Variants in STXBP4 observed in about 807,000 individuals in gnomAD.
STXBP4 encodes syntaxin binding protein 4.
A neutral mutation model predicts 76.1 loss-of-function variants in STXBP4; 55 were observed. The ratio of observed to expected loss-of-function variants is 0.72; its 90% CI spans 0.58 to 0.91. STXBP4 has a LOEUF of 0.91. STXBP4 is among the 40% of genes least tolerant of loss of function. STXBP4 has a pLI of 0.00. For missense variants in STXBP4, 618 were observed against 636.9 expected, an observed-to-expected ratio of 0.97 and a Z score of 0.32; for synonymous variants, 201 against 220.2, an observed-to-expected ratio of 0.91 and a Z score of 0.77.
At chr17:55,041,118 T>C (rs1018143442) in intron 10 of STXBP4, among the ~76,000 whole-genome samples, 1 of 152,118 alleles carries the variant, frequency 6.6e-6, no homozygotes, top group Non-Finnish European at 1.5e-5. Flanking sequence ...TTACGCATGC[T>C]TTACCTACAT....
chr17:55,087,530 C>T (rs537554945), intron 16 of STXBP4, among the ~76,000 whole-genome samples: 2 of 152,210 alleles, frequency 1.3e-5, no homozygotes, highest in African/African-American at 4.8e-5. Context: ...GCTTTTGGCA[C>T]CTTTGTCAAA....
At chr17:54,999,300 T>A (rs558711425) in intron 4 of STXBP4, 45 bp from the exon 5 acceptor site, 201 of 1,459,368 alleles carry the variant, frequency 1.4e-4, no homozygotes, top group Middle Eastern at 1.8e-4. Context: ...AATTTTTTTT[T>A]AAATACCTCA....
chr17:55,213,016 G>C, the STXBP4 span, among the ~76,000 whole-genome samples: 17 of 152,296 alleles, frequency 1.1e-4, no homozygotes, highest in Admixed American at 7.8e-4. Context: ...TCAGAAAACT[G>C]GTTGTGTGTG....
chr17:55,122,483 T>G (rs2079856699), intron 16 of STXBP4, among the ~76,000 whole-genome samples: 1 of 151,926 alleles, frequency 6.6e-6, no homozygotes, highest in South Asian at 2.1e-4. Context: ...AGGAATGGAG[T>G]CTATATTGTA....
At chr17:55,213,158 T>G in the STXBP4 span, among the ~76,000 whole-genome samples, 3 of 152,184 alleles carry the variant, frequency 2.0e-5, 1 homozygote, top group Admixed American at 2.0e-4. Context: ...CGACAGCAGA[T>G]CTAAGAAATC....
In STXBP4 at chr17:55,081,136, A is replaced by G; in HGVS notation, c.1442A>G (p.Glu481Gly). The change falls in exon 16 of 18, where the codon GAA becomes GGA. Residue 481 changes from glutamate to glycine, a missense_variant. Physicochemically the swap from Glu to Gly is moderately conservative, Grantham distance 98. Transcript: ENST00000376352. Reference sequence around the variant, plus strand: ...AGCATCCCAGCAACGCTGGCGCTTGAATCTAAGGAACTTGTTAAATCTGTT... The same window carrying G: ...AGCATCCCAGCAACGCTGGCGCTTGGATCTAAGGAACTTGTTAAATCTGTT... Reference protein sequence around the residue: ...GRSIPATLALESKELVKSVRA... With the variant: ...GRSIPATLALGSKELVKSVRA... 6.5e-7 allele frequency: 1 copy of G among 1,549,598 alleles called. No individual in the cohort carries two copies. Among genetic ancestry groups the G allele is most frequent in the Admixed American group, 2.1e-5 (1 of 47,976 alleles).
chr17:54,971,558 A>G (rs961422997), intron 1 of STXBP4, among the ~76,000 whole-genome samples: 1 of 152,222 alleles, frequency 6.6e-6, no homozygotes, highest in South Asian at 2.1e-4. Flanking sequence ...AAATACAGCT[A>G]CATTGAGGGG....
the STXBP4 span, among the ~76,000 whole-genome samples, chr17:55,199,681 C>T: frequency 6.6e-6 from 1 of 152,152 alleles, no homozygotes; most frequent in Non-Finnish European, 1.5e-5. Flanking sequence ...AGGTACTCAG[C>T]AAAATAACTA....
intron 17 of STXBP4, among the ~76,000 whole-genome samples, chr17:55,148,070 T>C (rs181162233): frequency 6.6e-6 from 1 of 152,342 alleles, no homozygotes; most frequent in Admixed American, 6.5e-5. Context: ...TTACAAGATG[T>C]TCAGTATGTG....
At chr17:55,034,768 C>G (rs2078569288) in intron 10 of STXBP4, among the ~76,000 whole-genome samples, 1 of 152,008 alleles carries the variant, frequency 6.6e-6, no homozygotes, top group Non-Finnish European at 1.5e-5. Flanking sequence ...CCTGTACCCC[C>G]ACAAAAAATT....
chr17:55,037,651 A>G (rs1364191535), intron 10 of STXBP4, among the ~76,000 whole-genome samples: 1 of 152,136 alleles, frequency 6.6e-6, no homozygotes, highest in African/African-American at 2.4e-5. Flanking sequence ...ATAGAATTAT[A>G]TTAATTTTTT....
intron 3 of STXBP4, among the ~76,000 whole-genome samples, chr17:54,987,370 G>A (rs1182656772): frequency 6.6e-6 from 1 of 152,084 alleles, no homozygotes; most frequent in Non-Finnish European, 1.5e-5. Flanking sequence ...ATGTACACAT[G>A]ATAATTATAT....
intron 1 of STXBP4, among the ~76,000 whole-genome samples, chr17:54,984,152 G>A (rs2077590250): frequency 6.6e-6 from 1 of 152,066 alleles, no homozygotes; most frequent in Admixed American, 6.5e-5. Flanking sequence ...CTCAAAAGTA[G>A]TTGGCTCTGT....
chr17:54,978,014 C>T (rs1252745340), intron 1 of STXBP4, among the ~76,000 whole-genome samples: 2 of 152,162 alleles, frequency 1.3e-5, no homozygotes, highest in East Asian at 3.9e-4. Flanking sequence ...GTACACTTTT[C>T]CCTCCACTCT....
chr17:55,018,639 A>G (rs2078251127), intron 8 of STXBP4, among the ~76,000 whole-genome samples: 1 of 152,220 alleles, frequency 6.6e-6, no homozygotes, highest in Non-Finnish European at 1.5e-5. Context: ...GGAGTCAGCA[A>G]AGGGTGGTGG....
In STXBP4 at chr17:55,161,209, T is replaced by G. The variant is rs950142933; in HGVS notation, c.*1298T>G. On this transcript the variant is annotated 3_prime_UTR_variant, in exon 18 of 18. Coordinates refer to ENST00000376352, the MANE Select transcript of STXBP4 (RefSeq NM_178509.6). ...ATATACATTGTGCTCAACTATACAT[T>G]CCTGAATCCATTTAGGATTTGTGAT... 2.0e-5 allele frequency: 3 copies of G among 152,228 alleles called. No individual in the cohort carries two copies. The highest frequency in any genetic ancestry group is 7.2e-5 in the African/African-American group (3 of 41,460). The allele number at this position is 152,228 out of a possible 1,614,324, so 9.4% of individuals were successfully genotyped here. A position where few individuals can be genotyped will look rare whatever the true frequency, so the allele number is the denominator to read the frequency against.
intron 16 of STXBP4, among the ~76,000 whole-genome samples, chr17:55,115,219 C>T (rs1340889315): frequency 6.6e-6 from 1 of 151,842 alleles, no homozygotes; most frequent in Non-Finnish European, 1.5e-5. Context: ...TTCTAAGTAT[C>T]TTGCAGTAAA....
rs2080334076 is a variant in STXBP4, at chr17:55,161,220, T to G, written c.*1309T>G. On this transcript the variant is annotated 3_prime_UTR_variant, in exon 18 of 18. Coordinates refer to ENST00000376352, the MANE Select transcript of STXBP4 (RefSeq NM_178509.6). ...GCTCAACTATACATTCCTGAATCCATTTAGGATTTGTGATTTATGTCTTGA... is the reference window on the plus strand; with the variant it reads ...GCTCAACTATACATTCCTGAATCCAGTTAGGATTTGTGATTTATGTCTTGA... The G allele has an allele frequency of 6.6e-6, 1 of 152,188 alleles. No homozygotes were observed. The highest frequency in any genetic ancestry group is 2.1e-4 in the South Asian group (1 of 4,826). The allele number at this position is 152,188 out of a possible 1,614,324, so 9.4% of individuals were successfully genotyped here.
chr17:55,196,847 A>T, the STXBP4 span, among the ~76,000 whole-genome samples: 1 of 152,264 alleles, frequency 6.6e-6, no homozygotes, highest in Non-Finnish European at 1.5e-5. Flanking sequence ...CAGGTATTGG[A>T]CAAACCAGTT....
Sources: gnomAD v4.1 joint callset for allele counts (sites outside exome capture counted in the v4.1 genomes callset) on GRCh38, gnomAD v4.1.1 for gene constraint, MANE v1.5 for transcripts, NCBI Gene and HGNC (gene_info 2026-07-23, HGNC 2026-07-21) for gene names.